The following POLR3B variants were observed in gnomAD, a reference collection of about 807,000 sequenced individuals.
POLR3B encodes the protein RNA polymerase III subunit B, also known as DNA-directed RNA polymerase III subunit RPC2.
POLR3B carries 96 observed loss-of-function variants against 147.4 expected under a neutral mutation model. The observed-to-expected ratio is 0.65, with a 90% CI of 0.55 to 0.77. The LOEUF (loss-of-function observed/expected upper bound fraction) is 0.77, where lower values mean the gene tolerates loss of function less well. Among genes scored for constraint, POLR3B ranks in the 30% least tolerant of loss-of-function variants. The pLI is 0.00. For missense variants in POLR3B, 1,036 were observed against 1,413.5 expected, an observed-to-expected ratio of 0.73 and a Z score of 4.28; for synonymous variants, 461 against 485.9, an observed-to-expected ratio of 0.95 and a Z score of 0.67.
At chr12:106,427,412 A>T in intron 13 of POLR3B, 54 bp downstream of exon 13, 2 of 1,463,800 alleles carry the variant, frequency 1.4e-6, no homozygotes. Flanking sequence ...AAACCTATTC[A>T]ATAGAACAGA....
chr12:106,367,368 A>G (rs2136884039), intron 4 of POLR3B, among the ~76,000 whole-genome samples: 1 of 152,376 alleles, frequency 6.6e-6, no homozygotes, highest in African/African-American at 2.4e-5. Context: ...GATCAAAACC[A>G]GGAAGTTAGC....
chr12:106,433,309 A>G (rs941957696), intron 15 of POLR3B, among the ~76,000 whole-genome samples: 16 of 152,212 alleles, frequency 1.1e-4, no homozygotes, highest in Non-Finnish European at 2.2e-4. Flanking sequence ...ACAAATGTTG[A>G]TTACAACAAG....
intron 12 of POLR3B, among the ~76,000 whole-genome samples, chr12:106,419,300 A>C (rs2037344183): frequency 6.6e-6 from 1 of 152,206 alleles, no homozygotes; most frequent in African/African-American, 2.4e-5. Flanking sequence ...TCCAAGATCC[A>C]GGCTTTTCTA....
intron 6 of POLR3B, among the ~76,000 whole-genome samples, chr12:106,374,118 C>G (rs2036645919): frequency 6.6e-6 from 1 of 152,132 alleles, no homozygotes; most frequent in East Asian, 1.9e-4. Context: ...TACCTTTATT[C>G]TCTTCCTGGC....
intron 23 of POLR3B, among the ~76,000 whole-genome samples, chr12:106,478,159 A>G (rs2038209487): frequency 6.6e-6 from 1 of 151,906 alleles, no homozygotes. Flanking sequence ...CATCCACCTC[A>G]GCCTCCCAAA....
chr12:106,462,889 T>C (rs868129422), intron 22 of POLR3B, among the ~76,000 whole-genome samples: 1 of 152,072 alleles, frequency 6.6e-6, no homozygotes. Flanking sequence ...CCCAGCAGAA[T>C]TGACTATCTC....
At chr12:106,414,774 A>C (rs1385538856) in intron 12 of POLR3B, among the ~76,000 whole-genome samples, 1 of 152,236 alleles carries the variant, frequency 6.6e-6, no homozygotes, top group Non-Finnish European at 1.5e-5. Context: ...TCATGAGGAC[A>C]GAGACTGTAT....
intron 13 of POLR3B, among the ~76,000 whole-genome samples, chr12:106,428,596 T>C (rs567068895): frequency 1.3e-5 from 2 of 152,204 alleles, no homozygotes; most frequent in African/African-American, 4.8e-5. Flanking sequence ...ATCTACTTGC[T>C]GCTTGCCAAC....
At chr12:106,401,870 A>C (rs948395940) in intron 10 of POLR3B, among the ~76,000 whole-genome samples, 20 of 152,166 alleles carry the variant, frequency 1.3e-4, no homozygotes, top group African/African-American at 4.6e-4. Context: ...GAATGGGCAA[A>C]AACTGGAAGC....
chr12:106,396,252 G>C (rs1726002085), intron 10 of POLR3B, among the ~76,000 whole-genome samples: 1 of 152,154 alleles, frequency 6.6e-6, no homozygotes, highest in South Asian at 2.1e-4. Context: ...ATTGAAGACA[G>C]CTTAGTTGGG....
chr12:106,449,438 T>G (rs2037769517), intron 19 of POLR3B, among the ~76,000 whole-genome samples: 1 of 152,156 alleles, frequency 6.6e-6, no homozygotes, highest in Non-Finnish European at 1.5e-5. Flanking sequence ...CAGTTGAAAA[T>G]CTGTGTATAA....
intron 22 of POLR3B, among the ~76,000 whole-genome samples, chr12:106,462,047 C>G (rs570076383): frequency 1.3e-5 from 2 of 152,196 alleles, no homozygotes; most frequent in Non-Finnish European, 2.9e-5. Context: ...AGCCAGTCAC[C>G]AGCACAACCT....
chr12:106,358,030 A>G (rs1006448191), intron 1 of POLR3B, 79 bp downstream of exon 1: 3 of 1,576,890 alleles, frequency 1.9e-6, no homozygotes, highest in Middle Eastern at 2.3e-4. Flanking sequence ...TCGGGCCGCC[A>G]AGGGGGCGGG....
chr12:106,461,095 AT>A (rs2037926758), intron 22 of POLR3B, among the ~76,000 whole-genome samples: 1 of 151,912 alleles, frequency 6.6e-6, no homozygotes, highest in Non-Finnish European at 1.5e-5. Flanking sequence ...CATTCAAGAA[AT>A]ACTTTTTTTT....
intron 19 of POLR3B, chr12:106,446,102 G>A (rs1021997729): frequency 9.9e-6 from 3 of 302,710 alleles, no homozygotes; most frequent in Non-Finnish European, 2.0e-5. Context: ...TCCCGCTTGT[G>A]CTTCTGACTT....
At chr12:106,383,313 G>A (rs372205621) in intron 9 of POLR3B, among the ~76,000 whole-genome samples, 4 of 152,126 alleles carry the variant, frequency 2.6e-5, no homozygotes, top group East Asian at 1.9e-4. Context: ...CACTGGAATA[G>A]CACTTGTGAT....
At chr12:106,385,826 TCTATAAATG>T (rs1454416840) in intron 9 of POLR3B, among the ~76,000 whole-genome samples, 1 of 152,346 alleles carries the variant, frequency 6.6e-6, no homozygotes, top group African/African-American at 2.4e-5. Flanking sequence ...GCTTTTGAGT[TCTATAAATG>T]AGATGGAGCC....
In POLR3B at chr12:106,357,966, C is replaced by G; in HGVS notation, c.72+15C>G. ...CGACTGTAGAGGTCAGTGCCAGGCA[C>G]GCAGGGAGCGTCAGGGACAAGGATG... On this transcript the variant is annotated intron_variant, in intron 1 of 27. Coordinates refer to ENST00000228347, the MANE Select transcript of POLR3B (RefSeq NM_018082.6). 1 of 1,611,396 alleles carries G rather than the reference C, an allele frequency of 6.2e-7. No homozygotes were observed. The highest frequency in any genetic ancestry group is 8.5e-7 in the Non-Finnish European group (1 of 1,179,800).
In POLR3B at chr12:106,426,850, C is replaced by T. The variant is rs959651683; in HGVS notation, c.1102-347C>T. ...ATTCTTCTCCACCGTCCCCCCCCCC[C>T]CCCCCCGTCCTTTTTGGTTTTAATA... is the stretch of plus-strand genomic sequence containing the variant. On this transcript the variant is annotated intron_variant, in intron 12 of 27. Transcript: ENST00000228347. Among the ~76,000 whole-genome samples, 15 of 106,260 alleles carry T rather than the reference C, an allele frequency of 1.4e-4. 2 individuals carry two copies. Among genetic ancestry groups the T allele is most frequent in the South Asian group, 7.2e-4 (2 of 2,770 alleles). The allele number at this position is 106,260 out of a possible 152,430, so 69.7% of individuals were successfully genotyped here.
Sources: allele counts gnomAD v4.1 joint callset (sites outside exome capture counted in the v4.1 genomes callset), GRCh38; gene constraint gnomAD v4.1.1; transcripts MANE v1.5; gene names NCBI Gene and HGNC (gene_info 2026-07-23, HGNC 2026-07-21).